TBC1D9: variants seen among roughly 807,000 people sequenced by gnomAD.
TBC1D9 encodes TBC1 domain family member 9A.
TBC1D9 carries 63 observed loss-of-function variants against 132.0 expected under a neutral mutation model. The observed-to-expected ratio is 0.48, with a 90% confidence interval of 0.39 to 0.59. The LOEUF (loss-of-function observed/expected upper bound fraction) is 0.59, where lower values mean the gene tolerates loss of function less well. TBC1D9 is among the 20% of genes least tolerant of loss of function. The probability of loss-of-function intolerance (pLI) is 0.00; values close to 1 mark genes in which losing one functional copy is unlikely to be tolerated. For synonymous variants in TBC1D9, 610 were observed against 609.9 expected (o/e 1.00, Z 0.00); for missense variants, 1,261 against 1,592.7 (o/e 0.79, Z 3.54).
At chr4:140,715,331 C>T (rs1252514548) in intron 1 of TBC1D9, among the ~76,000 whole-genome samples, 1 of 152,180 alleles carries the variant, frequency 6.6e-6, no homozygotes, top group Non-Finnish European at 1.5e-5. Context: ...GGGGTCCAAT[C>T]AATCAGTTGG....
chr4:140,755,340 T>C (rs1164177223), intron 1 of TBC1D9, among the ~76,000 whole-genome samples: 3 of 152,194 alleles, frequency 2.0e-5, no homozygotes, highest in African/African-American at 7.2e-5. Flanking sequence ...CCAATTATTT[T>C]TACAACTAGA....
At chr4:140,698,716 C>T (rs1346566321) in intron 2 of TBC1D9, among the ~76,000 whole-genome samples, 5 of 147,168 alleles carry the variant, frequency 3.4e-5, no homozygotes, top group Non-Finnish European at 5.9e-5. Context: ...CGAGCCTGGG[C>T]GACAGAGTGA....
chr4:140,709,713 C>A (rs941437298), intron 1 of TBC1D9, among the ~76,000 whole-genome samples: 1 of 152,162 alleles, frequency 6.6e-6, no homozygotes, highest in African/African-American at 2.4e-5. Context: ...TTTCCATGGA[C>A]CAGAGTTGGG....
In TBC1D9 at chr4:140,622,735, G is replaced by T. The variant is rs775020842; in HGVS notation, c.3261C>A (p.Cys1087Ter). The change falls in exon 21 of 21, where the codon TGC becomes TGA. Residue 1087 changes from cysteine (C) to a stop codon, truncating the protein, a stop_gained. Transcript: ENST00000442267. LOFTEE classifies it high-confidence loss of function. ...EGGSGGSGPSCHQGIPGVLFP... is the reference protein window; with the variant it reads ...EGGSGGSGPS ...AGAGCACGCCTGGGATGCCCTGGTG[G>T]CAGGACGGCCCACTGCCTCCGCTCC... is the stretch of plus-strand genomic sequence containing the variant. 6.2e-7 allele frequency: 1 copy of T among 1,608,278 alleles called. No homozygotes were observed. Among genetic ancestry groups the T allele is most frequent in the Non-Finnish European group, 8.5e-7 (1 of 1,179,764 alleles).
At chr4:140,752,223 A>G (rs1450383091) in intron 1 of TBC1D9, among the ~76,000 whole-genome samples, 3 of 152,216 alleles carry the variant, frequency 2.0e-5, no homozygotes, top group Admixed American at 6.5e-5. Context: ...TACTCATATC[A>G]TAGTTTTCTA....
At chr4:140,692,959 G>A (rs1312409134) in intron 2 of TBC1D9, among the ~76,000 whole-genome samples, 1 of 152,000 alleles carries the variant, frequency 6.6e-6, no homozygotes, top group Non-Finnish European at 1.5e-5. Flanking sequence ...GATCAAGGCT[G>A]CAGTGAGCTG....
chr4:140,681,968 T>A (rs564315444), intron 3 of TBC1D9, among the ~76,000 whole-genome samples: 24 of 152,328 alleles, frequency 1.6e-4, no homozygotes, highest in African/African-American at 5.5e-4. Context: ...CCACTAAATA[T>A]GAATTCCAAA....
intron 2 of TBC1D9, among the ~76,000 whole-genome samples, chr4:140,687,342 T>TGTGTTATATA (rs1560885798): frequency 5.5e-5 from 3 of 54,532 alleles, no homozygotes; most frequent in Admixed American, 2.3e-4. Flanking sequence ...TGTGTGTGTG[T>TGTGTTATATA]CATATATATA....
At chr4:140,690,081 A>G (rs1306077500) in intron 2 of TBC1D9, among the ~76,000 whole-genome samples, 1 of 151,934 alleles carries the variant, frequency 6.6e-6, no homozygotes, top group African/African-American at 2.4e-5. Flanking sequence ...TTCTATATGT[A>G]CATCCCCACC....
At chr4:140,637,556 G>A (rs1736900322) in intron 15 of TBC1D9, among the ~76,000 whole-genome samples, 1 of 151,972 alleles carries the variant, frequency 6.6e-6, no homozygotes, top group Non-Finnish European at 1.5e-5. Flanking sequence ...TCCTGGCCCT[G>A]CCCCCATGCC....
chr4:140,673,163 A>G (rs1199074404), intron 6 of TBC1D9, among the ~76,000 whole-genome samples: 3 of 125,566 alleles, frequency 2.4e-5, no homozygotes, highest in Non-Finnish European at 3.7e-5. Flanking sequence ...GAGAGACCCC[A>G]TATCAAAAAA....
intron 13 of TBC1D9, among the ~76,000 whole-genome samples, chr4:140,648,347 T>C (rs1395165392): frequency 6.6e-6 from 1 of 152,092 alleles, no homozygotes; most frequent in Non-Finnish European, 1.5e-5. Context: ...CAGTTTAATT[T>C]CTAACATCTT....
At chr4:140,642,780 T>C (rs943722396) in intron 13 of TBC1D9, 10 of 638,708 alleles carry the variant, frequency 1.6e-5, no homozygotes, top group Non-Finnish European at 2.8e-5. Flanking sequence ...AGAGATTTGC[T>C]GCTCAGCTTT....
Position 140,677,113 on chromosome 4 carries a change from T to C in TBC1D9, c.852-12A>G. On this transcript the variant is annotated splice_polypyrimidine_tract_variant and intron_variant, in intron 5 of 20. Coordinates refer to ENST00000442267, the MANE Select transcript of TBC1D9 (RefSeq NM_015130.3). ...TGGCATCAAGATCACTGGAAAGCAA[T>C]AATTACAATTCACATAAGAAAAATG... 1 of 1,612,786 alleles carries C rather than the reference T, an allele frequency of 6.2e-7. No homozygotes were observed. Among genetic ancestry groups the C allele is most frequent in the Non-Finnish European group, 8.5e-7 (1 of 1,179,784 alleles).
intron 3 of TBC1D9, 84 bp from the exon 4 acceptor site, chr4:140,679,927 G>T (rs1578837603): frequency 1.6e-6 from 2 of 1,228,700 alleles, no homozygotes; most frequent in Non-Finnish European, 2.2e-6. Context: ...AATTTCTAAG[G>T]CTAGAATTAA....
At chr4:140,725,070 A>C (rs1052724953) in intron 1 of TBC1D9, among the ~76,000 whole-genome samples, 1 of 152,236 alleles carries the variant, frequency 6.6e-6, no homozygotes, top group African/African-American at 2.4e-5. Context: ...TTTTTTCCAC[A>C]AATATATTTC....
intron 13 of TBC1D9, 131 bp downstream of exon 13, chr4:140,656,966 G>C: frequency 1.6e-6 from 2 of 1,222,998 alleles, no homozygotes. Context: ...GCGTCCCAAA[G>C]TCTAGAACTG....
intron 16 of TBC1D9, among the ~76,000 whole-genome samples, chr4:140,633,736 T>C (rs1323705219): frequency 6.6e-6 from 1 of 152,196 alleles, no homozygotes; most frequent in Non-Finnish European, 1.5e-5. Flanking sequence ...CATTGTCTTG[T>C]GAATTCTCTA....
intron 13 of TBC1D9, 54 bp from the exon 14 acceptor site, chr4:140,639,482 T>A: frequency 7.8e-7 from 1 of 1,280,060 alleles, no homozygotes; most frequent in Admixed American, 1.9e-5. Context: ...GCACACAATG[T>A]CCTGTCTGCA....
Sources: allele counts gnomAD v4.1 joint callset (sites outside exome capture counted in the v4.1 genomes callset), GRCh38; gene constraint gnomAD v4.1.1; transcripts MANE v1.5; gene names NCBI Gene and HGNC (gene_info 2026-07-23, HGNC 2026-07-21).